TBCK: variants seen among roughly 807,000 people sequenced by gnomAD.
The protein encoded by TBCK is TBC domain-containing protein kinase-like protein.
TBCK carries 99 observed loss-of-function variants against 113.4 expected under a neutral mutation model. That is an observed-to-expected ratio of 0.87 (90% confidence interval 0.74 to 1.03). The LOEUF is 1.03. Among genes scored for constraint, TBCK ranks in the 50% least tolerant of loss-of-function variants. TBCK has a pLI of 0.00. For synonymous variants in TBCK, 369 were observed against 370.8 expected (o/e 1.00, Z 0.05); for missense variants, 1,045 against 1,061.3 (o/e 0.98, Z 0.21).
At chr4:106,236,645 C>T in intron 13 of TBCK, 114 bp downstream of exon 13, 2 of 1,043,632 alleles carry the variant, frequency 1.9e-6, no homozygotes, top group Non-Finnish European at 2.5e-6. Context: ...ACCAAAACCT[C>T]AGGTTATTAT....
At chr4:106,266,397 T>C (rs538783337) in intron 3 of TBCK, among the ~76,000 whole-genome samples, 6 of 151,974 alleles carry the variant, frequency 3.9e-5, no homozygotes, top group Admixed American at 3.3e-4. Flanking sequence ...AGCTGCATAC[T>C]ACTTCAATAT....
At chr4:106,182,386 C>A (rs1400389331) in intron 22 of TBCK, 1 of 152,122 alleles carries the variant, frequency 6.6e-6, no homozygotes, top group Non-Finnish European at 1.5e-5. Flanking sequence ...ACTGCCCTGG[C>A]CAGAAAGTCC....
chr4:106,249,814 T>C (rs1235335643), intron 7 of TBCK, among the ~76,000 whole-genome samples: 1 of 152,130 alleles, frequency 6.6e-6, no homozygotes, highest in Non-Finnish European at 1.5e-5. Flanking sequence ...CCTGTACATA[T>C]TCTTATTTGT....
At chr4:106,194,887 G>T (rs992540792) in intron 20 of TBCK, 133 bp from the exon 21 acceptor site, 28 of 837,810 alleles carry the variant, frequency 3.3e-5, no homozygotes, top group Non-Finnish European at 4.9e-5. Flanking sequence ...AAATAAAAGA[G>T]AATGTAGTGT....
chr4:106,161,835 T>C (rs1157108482), intron 23 of TBCK, among the ~76,000 whole-genome samples: 1 of 152,070 alleles, frequency 6.6e-6, no homozygotes, highest in East Asian at 1.9e-4. Flanking sequence ...AGGATGCAAG[T>C]ATGAAACATG....
chr4:106,248,109 AGTTAT>A, intron 9 of TBCK, 131 bp downstream of exon 9: 1 of 456,864 alleles, frequency 2.2e-6, no homozygotes, highest in Non-Finnish European at 3.8e-6. Flanking sequence ...CATCATTCAC[AGTTAT>A]GATACTGATG....
At chr4:106,223,194 C>A (rs1288132577) in intron 19 of TBCK, among the ~76,000 whole-genome samples, 1 of 152,136 alleles carries the variant, frequency 6.6e-6, no homozygotes, top group Non-Finnish European at 1.5e-5. Flanking sequence ...GAAAAAAACA[C>A]AACTGCTTTT....
chr4:106,130,626 A>C (rs1453329413), intron 23 of TBCK, among the ~76,000 whole-genome samples: 1 of 147,974 alleles, frequency 6.8e-6, no homozygotes, highest in East Asian at 1.9e-4. Flanking sequence ...ACACACACAC[A>C]CACCACACAG....
intron 23 of TBCK, among the ~76,000 whole-genome samples, chr4:106,144,138 T>G (rs917107652): frequency 2.0e-5 from 3 of 152,186 alleles, no homozygotes; most frequent in Non-Finnish European, 4.4e-5. Context: ...AGTATACCCT[T>G]CCAAACAATC....
At chr4:106,116,982 C>A (rs1308965400) in intron 23 of TBCK, among the ~76,000 whole-genome samples, 1 of 151,770 alleles carries the variant, frequency 6.6e-6, no homozygotes, top group East Asian at 1.9e-4. Context: ...ATCCCCCCCC[C>A]ATCTCAAACC....
At chr4:106,207,142 C>T (rs1755601418) in intron 20 of TBCK, among the ~76,000 whole-genome samples, 1 of 152,156 alleles carries the variant, frequency 6.6e-6, no homozygotes, top group Non-Finnish European at 1.5e-5. Context: ...TTATCAAATA[C>T]ACATTATTCA....
intron 5 of TBCK, among the ~76,000 whole-genome samples, chr4:106,259,026 A>G (rs1006560098): frequency 6.6e-5 from 10 of 151,942 alleles, no homozygotes; most frequent in African/African-American, 1.9e-4. Flanking sequence ...ATCAAAACAG[A>G]AAATTCTCCC....
At chr4:106,151,912 T>C (rs1353985441) in intron 23 of TBCK, among the ~76,000 whole-genome samples, 1 of 152,026 alleles carries the variant, frequency 6.6e-6, no homozygotes, top group Non-Finnish European at 1.5e-5. Flanking sequence ...TAAAAATGCT[T>C]CTGATTTTTA....
At chr4:106,269,903 G>C (rs1763320501) in intron 3 of TBCK, among the ~76,000 whole-genome samples, 1 of 152,114 alleles carries the variant, frequency 6.6e-6, no homozygotes, top group Non-Finnish European at 1.5e-5. Context: ...CTAGCGGTTT[G>C]AGGTTCAGAC....
chr4:106,187,226 T>C (rs917134799), intron 22 of TBCK, among the ~76,000 whole-genome samples: 4 of 152,208 alleles, frequency 2.6e-5, no homozygotes, highest in South Asian at 4.1e-4. Context: ...TTCGGGCTCT[T>C]TTTTGGTTCC....
intron 25 of TBCK, among the ~76,000 whole-genome samples, chr4:106,058,387 C>G (rs948339041): frequency 2.6e-5 from 4 of 151,686 alleles, no homozygotes; most frequent in African/African-American, 9.7e-5. Flanking sequence ...TGGGATTTAT[C>G]TAATGCATAA....
chr4:106,235,157 T>C, intron 15 of TBCK, 112 bp downstream of exon 15: 1 of 609,842 alleles, frequency 1.6e-6, no homozygotes, highest in Admixed American at 3.7e-5. Context: ...ATGCTTATAT[T>C]TTACTATATA....
chr4:106,193,232 A>G (rs992208547), intron 22 of TBCK, among the ~76,000 whole-genome samples: 1 of 152,202 alleles, frequency 6.6e-6, no homozygotes, highest in African/African-American at 2.4e-5. Flanking sequence ...TGTGAATTGT[A>G]TCTTTTTATA....
chr4:106,266,822 T>A (rs1763036745), intron 3 of TBCK, among the ~76,000 whole-genome samples: 1 of 151,934 alleles, frequency 6.6e-6, no homozygotes, highest in African/African-American at 2.4e-5. Context: ...TTTATGTACT[T>A]ACTAGCTTTT....
Sources: gnomAD v4.1 joint callset for allele counts (sites outside exome capture counted in the v4.1 genomes callset) on GRCh38, gnomAD v4.1.1 for gene constraint, MANE v1.5 for transcripts, NCBI Gene and HGNC (gene_info 2026-07-23, HGNC 2026-07-21) for gene names.